The following CADPS variants were observed in gnomAD, a reference collection of about 807,000 sequenced individuals.
CADPS encodes calcium dependent secretion activator.
Under a neutral mutation model 167.3 loss-of-function variants are expected in CADPS, and 57 were observed. That is an observed-to-expected ratio of 0.34 (90% CI 0.28 to 0.42). The LOEUF is 0.42. Ranked by LOEUF, CADPS falls within the 20% of genes least tolerant of loss-of-function variation. The probability of loss-of-function intolerance (pLI) is 1.00; values close to 1 mark genes in which losing one functional copy is unlikely to be tolerated. For synonymous variants in CADPS, 676 were observed against 635.3 expected, an observed-to-expected ratio of 1.06 and a Z score of -0.96; for missense variants, 1,414 against 1,738.1, an observed-to-expected ratio of 0.81 and a Z score of 3.32.
Position 62,592,718 on chromosome 3 carries a change from G to T in CADPS, c.1356C>A (p.Thr452=). The part of the protein sequence containing the change: ...TWGTQGDFST[T]HALPAVKVKL... ...TCACCTTCACAGCTGGCAGTGCATG[G>T]GTTGTGGAGAAGTCACCCTGGGTGC... is the stretch of plus-strand genomic sequence containing the variant. Residue 452 remains threonine, a synonymous_variant, in exon 7 of 30, where the codon ACC becomes ACA. Coordinates refer to ENST00000383710, the MANE Select transcript of CADPS (RefSeq NM_003716.4). 6.2e-7 allele frequency: 1 copy of T among 1,614,134 alleles called. No individual in the cohort carries two copies. The highest frequency in any genetic ancestry group is 1.1e-5 in the South Asian group (1 of 91,086).
intron 25 of CADPS, among the ~76,000 whole-genome samples, chr3:62,466,101 C>T (rs756339064): frequency 1.3e-5 from 2 of 152,078 alleles, no homozygotes; most frequent in African/African-American, 4.8e-5. Context: ...TATAACCTAG[C>T]GCAACGTTTG....
At chr3:62,520,292 GATAAAAACTGA>G (rs1489065877) in intron 13 of CADPS, among the ~76,000 whole-genome samples, 1 of 152,154 alleles carries the variant, frequency 6.6e-6, no homozygotes, top group Non-Finnish European at 1.5e-5. Context: ...TGTCTGAGAT[GATAAAAACTGA>G]ACATTTAGTG....
At chr3:62,551,915 T>C (rs1562036431) in intron 10 of CADPS, among the ~76,000 whole-genome samples, 1 of 152,128 alleles carries the variant, frequency 6.6e-6, no homozygotes, top group Non-Finnish European at 1.5e-5. Flanking sequence ...CTATCTCTTA[T>C]CTTGCTTAAT....
chr3:62,740,302 A>G (rs1339488893), intron 3 of CADPS, among the ~76,000 whole-genome samples: 1 of 152,102 alleles, frequency 6.6e-6, no homozygotes, highest in African/African-American at 2.4e-5. Context: ...ACATCTCAAG[A>G]CCTCTGCTCA....
chr3:62,611,620 C>T (rs2061510298), intron 6 of CADPS, among the ~76,000 whole-genome samples: 3 of 152,206 alleles, frequency 2.0e-5, no homozygotes, highest in Non-Finnish European at 2.9e-5. Flanking sequence ...TGTCTCTGAC[C>T]TTATCTCCTA....
chr3:62,670,816 T>C (rs1030027068), intron 3 of CADPS, among the ~76,000 whole-genome samples: 7 of 152,204 alleles, frequency 4.6e-5, no homozygotes, highest in Non-Finnish European at 8.8e-5. Context: ...TCAAGTCTGA[T>C]GTGTCATTCA....
At chr3:62,491,538 C>A (rs2063693265) in intron 20 of CADPS, 58 bp from the exon 21 acceptor site, 7 of 687,402 alleles carry the variant, frequency 1.0e-5, no homozygotes, top group African/African-American at 3.2e-5. Flanking sequence ...CAACGTACAA[C>A]ACACACACAC....
At chr3:62,785,926 A>AT (rs2092375970) in intron 1 of CADPS, among the ~76,000 whole-genome samples, 1 of 152,008 alleles carries the variant, frequency 6.6e-6, no homozygotes, top group Non-Finnish European at 1.5e-5. Context: ...AAAAAAAAAA[A>AT]AAAGGGCCAG....
At chr3:62,714,143 G>A (rs1477843324) in intron 3 of CADPS, among the ~76,000 whole-genome samples, 1 of 152,064 alleles carries the variant, frequency 6.6e-6, no homozygotes, top group Non-Finnish European at 1.5e-5. Flanking sequence ...TGCAGGTAAT[G>A]TAAACAAGGT....
intron 6 of CADPS, among the ~76,000 whole-genome samples, chr3:62,626,746 T>A (rs1257032314): frequency 1.3e-5 from 2 of 152,164 alleles, no homozygotes; most frequent in Admixed American, 1.3e-4. Flanking sequence ...CTACTCTATA[T>A]TTACAATCAG....
intron 26 of CADPS, among the ~76,000 whole-genome samples, chr3:62,460,575 A>G (rs925146001): frequency 6.6e-6 from 1 of 152,212 alleles, no homozygotes; most frequent in Non-Finnish European, 1.5e-5. Context: ...CTTAACAAAA[A>G]TGTTCTGTGA....
intron 13 of CADPS, among the ~76,000 whole-genome samples, chr3:62,529,215 C>T (rs543070969): frequency 7.2e-5 from 11 of 152,210 alleles, no homozygotes; most frequent in South Asian, 2.1e-4. Context: ...TACACAATTG[C>T]TACTTAATAT....
chr3:62,685,364 G>T (rs903751065), intron 3 of CADPS, among the ~76,000 whole-genome samples: 1 of 151,902 alleles, frequency 6.6e-6, no homozygotes, highest in Admixed American at 6.6e-5. Flanking sequence ...AAGAAACAAT[G>T]CGTAGAGTTT....
rs963060588 is a variant in CADPS, at chr3:62,399,309, G to A, written c.*97C>T. ...GTATTGATAAACATCTCATGGGCAT[G>A]GTAGTTGACAGAAAATTCCTAATGG... On this transcript the variant is annotated 3_prime_UTR_variant, in exon 30 of 30. Coordinates refer to ENST00000383710, the MANE Select transcript of CADPS (RefSeq NM_003716.4). This position sits in a 1 kb window ranked among gnomAD's most constrained non-coding sequence, Gnocchi z 5.6. The A allele has an allele frequency of 4.5e-5, 50 of 1,119,044 alleles. No individual in the cohort carries two copies. The South Asian group carries it at 7.0e-4, about 16-fold the overall frequency. The allele number at this position is 1,119,044 out of a possible 1,614,324, so 69.3% of individuals were successfully genotyped here.
At chr3:62,439,026 G>C (rs993727153) in intron 27 of CADPS, 3 of 151,656 alleles carry the variant, frequency 2.0e-5, no homozygotes, top group African/African-American at 7.3e-5. Context: ...AACTCAGAAA[G>C]CACTCTGCTT....
intron 28 of CADPS, among the ~76,000 whole-genome samples, chr3:62,430,312 C>A (rs1394588663): frequency 1.3e-5 from 2 of 152,114 alleles, no homozygotes; most frequent in East Asian, 1.9e-4. Flanking sequence ...AATTGTGAAG[C>A]CCATGGGGGA....
At position 62,683,097 on chromosome 3, in the gene CADPS, G is replaced by T. The variant is rs2077413784; in HGVS notation, c.889-20703C>A. 2.0e-5 allele frequency among the ~76,000 whole-genome samples: 3 copies of T among 152,050 alleles called. 1 individual carries two copies. The South Asian group carries it at 6.2e-4, about 31-fold the overall frequency. On this transcript the variant is annotated intron_variant, in intron 3 of 29. Coordinates refer to ENST00000383710, the MANE Select transcript of CADPS (RefSeq NM_003716.4). ...GTGAGGAGGAGAGTAAAATGGGGATGGTCTGGGAAGGCAGGCAGGGCCAAG... is the reference window on the plus strand; with the variant it reads ...GTGAGGAGGAGAGTAAAATGGGGATTGTCTGGGAAGGCAGGCAGGGCCAAG...
intron 6 of CADPS, among the ~76,000 whole-genome samples, chr3:62,609,623 G>C (rs1488338738): frequency 6.6e-6 from 1 of 152,092 alleles, no homozygotes; most frequent in Non-Finnish European, 1.5e-5. Context: ...TTCCTCATCT[G>C]TACAATAGGA....
At chr3:62,782,761 C>CTTT (rs1191068833) in intron 1 of CADPS, among the ~76,000 whole-genome samples, 3 of 138,842 alleles carry the variant, frequency 2.2e-5, no homozygotes, top group African/African-American at 5.4e-5. Context: ...GCATTTCTTT[C>CTTT]TTTTTTTTTT....
Sources: allele counts gnomAD v4.1 joint callset (sites outside exome capture counted in the v4.1 genomes callset), GRCh38; gene constraint gnomAD v4.1.1; non-coding constraint Gnocchi (gnomAD v3.1); transcripts MANE v1.5; gene names NCBI Gene and HGNC (gene_info 2026-07-23, HGNC 2026-07-21).